The following EIPR1 variants were observed in gnomAD, a reference collection of about 807,000 sequenced individuals.
EIPR1 encodes the protein EARP complex and GARP complex interacting protein 1.
EIPR1 carries 25 observed loss-of-function variants against 48.1 expected under a neutral mutation model. That is an observed-to-expected ratio of 0.52 (90% CI 0.38 to 0.73). The LOEUF (loss-of-function observed/expected upper bound fraction) is 0.73, where lower values mean the gene tolerates loss of function less well. Ranked by LOEUF, EIPR1 falls within the 30% of genes least tolerant of loss-of-function variation. The pLI is 0.00. For synonymous variants in EIPR1, 204 were observed against 201.9 expected (o/e 1.01, Z -0.09); for missense variants, 415 against 506.2 (o/e 0.82, Z 1.73).
chr2:3,355,968 T>C (rs533026557), intron 1 of EIPR1, among the ~76,000 whole-genome samples: 5 of 152,330 alleles, frequency 3.3e-5, no homozygotes, highest in African/African-American at 1.2e-4. Flanking sequence ...AAGCAAGCTC[T>C]AAAGTTCTAA....
intron 5 of EIPR1, among the ~76,000 whole-genome samples, chr2:3,201,096 C>A (rs939666055): frequency 6.6e-6 from 1 of 152,192 alleles, no homozygotes; most frequent in Non-Finnish European, 1.5e-5. Context: ...GCCCCAGGCA[C>A]GTGCTCCCAC....
At chr2:3,211,067 T>C (rs567986342) in intron 5 of EIPR1, among the ~76,000 whole-genome samples, 2 of 152,300 alleles carry the variant, frequency 1.3e-5, no homozygotes, top group African/African-American at 4.8e-5. Context: ...CAAACCCCTG[T>C]GACATGCAAT....
intron 4 of EIPR1, among the ~76,000 whole-genome samples, chr2:3,255,981 G>A (rs921273812): frequency 5.3e-5 from 8 of 152,288 alleles, no homozygotes; most frequent in South Asian, 2.1e-4. Flanking sequence ...GCATTCGGGC[G>A]GGGAGTGACA....
At chr2:3,192,656 G>C (rs1664649143) in intron 7 of EIPR1, 75 bp from the exon 8 acceptor site, 1 of 1,508,624 alleles carries the variant, frequency 6.6e-7, no homozygotes, top group Non-Finnish European at 9.0e-7. Context: ...CACCGGCTCT[G>C]AGGGCCCCAC....
intron 4 of EIPR1, among the ~76,000 whole-genome samples, chr2:3,237,236 AC>A (rs1666434289): frequency 6.7e-6 from 1 of 148,910 alleles, no homozygotes; most frequent in Admixed American, 6.6e-5. Context: ...ACACACACAC[AC>A]ACACACACAC....
chr2:3,205,831 T>C (rs993358223), intron 5 of EIPR1, among the ~76,000 whole-genome samples: 3 of 152,166 alleles, frequency 2.0e-5, no homozygotes, highest in African/African-American at 7.2e-5. Flanking sequence ...CGTGACAATA[T>C]TAAAGGACCC....
At chr2:3,338,180 T>C in intron 2 of EIPR1, 31 bp from the exon 3 acceptor site, 1 of 1,604,558 alleles carries the variant, frequency 6.2e-7, no homozygotes, top group Non-Finnish European at 8.5e-7. Flanking sequence ...CACATCAGGA[T>C]CTCAAACACT....
At chr2:3,235,417 GGTGCGCACACACACACACACACGC>G (rs1666370169) in intron 4 of EIPR1, among the ~76,000 whole-genome samples, 1 of 142,646 alleles carries the variant, frequency 7.0e-6, no homozygotes, top group Non-Finnish European at 1.5e-5. Flanking sequence ...TGTGCATGCG[GGTGCGCACACACACACACACACGC>G]GTGCGCGCAC....
In EIPR1 at chr2:3,269,473, G is replaced by A. The variant is rs1368828631; in HGVS notation, c.260-12018C>T. Among the ~76,000 whole-genome samples the A allele has an allele frequency of 2.0e-3, 267 of 132,970 alleles. 23 individuals carry two copies. Among genetic ancestry groups the A allele is most frequent in the African/African-American group, 7.0e-3 (238 of 34,100 alleles). The allele number at this position is 132,970 out of a possible 152,430, so 87.2% of individuals were successfully genotyped here. ...TCAATCATCACCACACTCAGTCATC[G>A]CACTCAGTCATCGCACTCAATCATC... On this transcript the variant is annotated intron_variant, in intron 3 of 8. Coordinates refer to ENST00000382125, the MANE Select transcript of EIPR1 (RefSeq NM_003310.5).
At chr2:3,277,656 G>T (rs1009456362) in intron 3 of EIPR1, among the ~76,000 whole-genome samples, 1 of 152,174 alleles carries the variant, frequency 6.6e-6, no homozygotes, top group Non-Finnish European at 1.5e-5. Flanking sequence ...GCTGAGTAAC[G>T]CCCACCTGCT....
chr2:3,309,474 G>A (rs1226397589), intron 3 of EIPR1, among the ~76,000 whole-genome samples: 3 of 152,164 alleles, frequency 2.0e-5, no homozygotes, highest in East Asian at 1.9e-4. Flanking sequence ...ACAACATGGC[G>A]GAGTTAAGCC....
chr2:3,250,360 C>T (rs1179960496), intron 4 of EIPR1, among the ~76,000 whole-genome samples: 1 of 152,218 alleles, frequency 6.6e-6, no homozygotes, highest in Non-Finnish European at 1.5e-5. Flanking sequence ...CCTGCTGCCC[C>T]TCTGTTTTGG....
At chr2:3,356,060 GAGA>G (rs1428173906) in intron 1 of EIPR1, among the ~76,000 whole-genome samples, 1 of 152,232 alleles carries the variant, frequency 6.6e-6, no homozygotes, top group Non-Finnish European at 1.5e-5. Context: ...TGGGCTGAGG[GAGA>G]AGATGAAATG....
chr2:3,268,155 G>A (rs1003171702), intron 3 of EIPR1, among the ~76,000 whole-genome samples: 1 of 152,176 alleles, frequency 6.6e-6, no homozygotes, highest in African/African-American at 2.4e-5. Flanking sequence ...GCCTTTCCAT[G>A]GGCCTCTCAA....
chr2:3,259,721 C>G (rs1039506348), intron 3 of EIPR1, among the ~76,000 whole-genome samples: 1 of 152,140 alleles, frequency 6.6e-6, no homozygotes, highest in African/African-American at 2.4e-5. Context: ...AAAACATAAA[C>G]CCACAAGGAT....
chr2:3,208,267 AG>A, intron 5 of EIPR1: 1 of 466,980 alleles, frequency 2.1e-6, no homozygotes, highest in Non-Finnish European at 3.7e-6. Flanking sequence ...TACTCAAATA[AG>A]AGCAAGTTAT....
intron 5 of EIPR1, among the ~76,000 whole-genome samples, chr2:3,203,809 G>A (rs1665131296): frequency 6.6e-6 from 1 of 152,226 alleles, no homozygotes; most frequent in Non-Finnish European, 1.5e-5. Flanking sequence ...CACACTGTGG[G>A]GCCACACGGC....
In EIPR1 at chr2:3,189,319, A is replaced by G; in HGVS notation, c.*15T>C. 3 of 1,563,396 alleles carry G rather than the reference A, an allele frequency of 1.9e-6. No individual in the cohort carries two copies. Among genetic ancestry groups the G allele is most frequent in the Non-Finnish European group, 2.6e-6 (3 of 1,145,280 alleles). ...AAAACCACTCAATGGGACCTGGATA[A>G]CCCAGGCCCGGGAGTCATAGCAGGA... On this transcript the variant is annotated 3_prime_UTR_variant, in exon 9 of 9. Coordinates refer to ENST00000382125, the MANE Select transcript of EIPR1 (RefSeq NM_003310.5). The surrounding 1 kb of genome is among the most constrained non-coding windows in gnomAD (Gnocchi z 4.6).
Position 3,280,478 on chromosome 2 carries a change from T to A in EIPR1, c.260-23023A>T, listed in dbSNP as rs551240486. 1.1e-4 allele frequency among the ~76,000 whole-genome samples: 17 copies of A among 152,252 alleles called. No homozygotes were observed. In the South Asian group the frequency reaches 3.3e-3, roughly 30 times the overall value. On this transcript the variant is annotated intron_variant, in intron 3 of 8. Transcript: ENST00000382125. ...TGGCCCTGGGAAGACTGGCCCCGCC[T>A]CTCTGCTTGTCTCCCCCAACTTGAA...
Sources: gnomAD v4.1 joint callset for allele counts (sites outside exome capture counted in the v4.1 genomes callset) on GRCh38, gnomAD v4.1.1 for gene constraint, Gnocchi (gnomAD v3.1) non-coding constraint, MANE v1.5 for transcripts, NCBI Gene and HGNC (gene_info 2026-07-23, HGNC 2026-07-21) for gene names.